CELF2: variants seen among roughly 807,000 people sequenced by gnomAD.
The protein encoded by CELF2 is CUG triplet repeat RNA-binding protein 2.
CELF2 carries 8 observed loss-of-function variants against 62.6 expected under a neutral mutation model. The ratio of observed to expected loss-of-function variants is 0.13; its 90% CI spans 0.07 to 0.23. CELF2 has a LOEUF of 0.23. Ranked by LOEUF, CELF2 falls within the 10% of genes least tolerant of loss-of-function variation. The pLI is 1.00. For synonymous variants in CELF2, 258 were observed against 250.0 expected, an observed-to-expected ratio of 1.03 and a Z score of -0.30; for missense variants, 333 against 671.0, an observed-to-expected ratio of 0.50 and a Z score of 5.56.
At chr10:11,264,348 C>G (rs1433690076) in intron 5 of CELF2, among the ~76,000 whole-genome samples, 1 of 152,186 alleles carries the variant, frequency 6.6e-6, no homozygotes, top group Non-Finnish European at 1.5e-5. Context: ...TTTTTGTTGA[C>G]ATTTTACATG....
At chr10:10,555,895 G>C in the CELF2 span, among the ~76,000 whole-genome samples, 1 of 152,186 alleles carries the variant, frequency 6.6e-6, no homozygotes, top group Non-Finnish European at 1.5e-5. Context: ...TTCTGTTCCA[G>C]ACTTGCCAGG....
rs779543257 is a variant in CELF2, at chr10:10,857,649, GTATATATA to G, written c.53+58858_53+58865del. ...ATATGTGGTAAACTACATATATATA[GTATATATA>G]TATATATATATATATATATATATAT... On this transcript the variant is annotated intron_variant, in intron 1 of 13. Transcript: ENST00000636488. Among the ~76,000 whole-genome samples, 580 of 94,206 alleles carry G rather than the reference GTATATATA, an allele frequency of 6.2e-3. 7 individuals carry two copies. Among genetic ancestry groups the G allele is most frequent in the South Asian group, 0.027 (76 of 2,776 alleles). 61.8% of individuals were successfully genotyped at this position (94,206 alleles called of 152,430 possible).
At chr10:10,474,382 G>A in the CELF2 span, among the ~76,000 whole-genome samples, 1 of 151,986 alleles carries the variant, frequency 6.6e-6, no homozygotes, top group East Asian at 1.9e-4. Context: ...GGTAGAAAAA[G>A]AGAAGTCACC....
chr10:10,937,143 T>C (rs1231756328), intron 2 of CELF2, among the ~76,000 whole-genome samples: 2 of 131,448 alleles, frequency 1.5e-5, no homozygotes, highest in Non-Finnish European at 3.1e-5. Flanking sequence ...TTTTTTTTTT[T>C]CGTGACAGAG....
At chr10:10,700,809 G>T in the CELF2 span, among the ~76,000 whole-genome samples, 2 of 152,250 alleles carry the variant, frequency 1.3e-5, no homozygotes, top group South Asian at 2.1e-4. Flanking sequence ...AGATCTCTAT[G>T]TACATTTAAA....
the CELF2 span, among the ~76,000 whole-genome samples, chr10:10,596,256 T>TAA: frequency 1.4e-5 from 2 of 146,950 alleles, no homozygotes; most frequent in East Asian, 2.0e-4. Flanking sequence ...CTTCTACCTG[T>TAA]AAAAAAAAAA....
chr10:10,719,649 G>A, the CELF2 span, among the ~76,000 whole-genome samples: 1 of 152,084 alleles, frequency 6.6e-6, no homozygotes, highest in African/African-American at 2.4e-5. Flanking sequence ...TCACCCTAGA[G>A]CCAATTGCTC....
chr10:10,845,920 C>T (rs2058984453), intron 1 of CELF2: 1 of 156,392 alleles, frequency 6.4e-6, no homozygotes, highest in Non-Finnish European at 1.4e-5. Flanking sequence ...AGAAAAAACC[C>T]CTCATTATTA....
intron 1 of CELF2, among the ~76,000 whole-genome samples, chr10:11,161,920 C>T (rs2065813366): frequency 6.6e-6 from 1 of 152,178 alleles, no homozygotes; most frequent in Non-Finnish European, 1.5e-5. Flanking sequence ...TAATTTCTGG[C>T]TTGCTTAGAA....
chr10:10,657,214 C>G, the CELF2 span, among the ~76,000 whole-genome samples: 4 of 151,794 alleles, frequency 2.6e-5, no homozygotes, highest in Non-Finnish European at 5.9e-5. Flanking sequence ...ACATATGACA[C>G]AGAAAAAAAA....
chr10:10,751,989 T>C, the CELF2 span, among the ~76,000 whole-genome samples: 2 of 152,228 alleles, frequency 1.3e-5, no homozygotes, highest in Admixed American at 1.3e-4. Context: ...TGAGAAAAGA[T>C]GTGTTAGTAA....
chr10:11,226,420 C>T lies in CELF2; in HGVS notation c.354+8913C>T, dbSNP rs148667854. Reference sequence around the variant, plus strand: ...GGCAGGTGGAGGGCCTCAGAAGGACCACATTTGCCCCTTTGGCACTGTCAC... The same window carrying T: ...GGCAGGTGGAGGGCCTCAGAAGGACTACATTTGCCCCTTTGGCACTGTCAC... On this transcript the variant is annotated intron_variant, in intron 3 of 12. Transcript: ENST00000633077. Among the ~76,000 whole-genome samples, 267 of 152,312 alleles carry T rather than the reference C, an allele frequency of 1.8e-3. 1 individual carries two copies. The highest frequency in any genetic ancestry group is 5.4e-3 in the Admixed American group (83 of 15,300).
intron 1 of CELF2, among the ~76,000 whole-genome samples, chr10:11,107,329 A>C (rs2053779933): frequency 6.6e-6 from 1 of 152,092 alleles, no homozygotes; most frequent in Admixed American, 6.5e-5. Flanking sequence ...TTCTTCAGAG[A>C]ACTGGATTCC....
At chr10:10,554,860 A>G in the CELF2 span, among the ~76,000 whole-genome samples, 12 of 152,272 alleles carry the variant, frequency 7.9e-5, no homozygotes, top group Admixed American at 7.8e-4. Context: ...ATTTCCCTCT[A>G]CAGTGACATA....
intron 1 of CELF2, among the ~76,000 whole-genome samples, chr10:11,074,004 C>T (rs1394455291): frequency 1.3e-5 from 2 of 152,170 alleles, no homozygotes; most frequent in African/African-American, 2.4e-5. Flanking sequence ...TGATTTCTAG[C>T]CTCCGTGCCA....
the CELF2 span, among the ~76,000 whole-genome samples, chr10:10,653,575 G>A: frequency 0.01 from 1,334 of 129,824 alleles, 31 homozygotes; most frequent in African/African-American, 0.036. Context: ...ACTCAAAACC[G>A]CTCAACTACA....
At chr10:10,858,889 C>G (rs1463864282) in intron 1 of CELF2, among the ~76,000 whole-genome samples, 1 of 152,156 alleles carries the variant, frequency 6.6e-6, no homozygotes, top group Admixed American at 6.6e-5. Flanking sequence ...ACTTTTCTCA[C>G]AACTCTTGAT....
rs147354365 is a variant in CELF2 at position 10,936,029 on chromosome 10, G to A, written c.89+16030G>A. 1.4e-3 allele frequency among the ~76,000 whole-genome samples: 220 copies of A among 152,072 alleles called. No individual in the cohort carries two copies. Among genetic ancestry groups the A allele is most frequent in the African/African-American group, 5.0e-3 (206 of 41,508 alleles). On this transcript the variant is annotated intron_variant, in intron 2 of 13. Coordinates refer to the CELF2 transcript ENST00000636488. This position sits in a 1 kb window ranked among gnomAD's most constrained non-coding sequence, Gnocchi z 4.0. ...AAAAAAAAATTAGCCAGGCGTGGTG[G>A]CACACACCTGTAGTCCCAGCTACTC... is the stretch of plus-strand genomic sequence containing the variant.
chr10:10,891,728 C>T (rs146100910), intron 1 of CELF2, among the ~76,000 whole-genome samples: 48 of 152,316 alleles, frequency 3.2e-4, no homozygotes, highest in Admixed American at 1.3e-3. Flanking sequence ...GATGGATTTA[C>T]AGAGCTACAG....
Sources: allele counts gnomAD v4.1 joint callset (sites outside exome capture counted in the v4.1 genomes callset), GRCh38; gene constraint gnomAD v4.1.1; non-coding constraint Gnocchi (gnomAD v3.1); transcripts MANE v1.5; gene names NCBI Gene and HGNC (gene_info 2026-07-23, HGNC 2026-07-21).